HS3ST3A1: variants seen among roughly 807,000 people sequenced by gnomAD.
HS3ST3A1 encodes the protein heparan sulfate-glucosamine 3-sulfotransferase 3A1.
In HS3ST3A1, 19 loss-of-function variants were observed where a neutral mutation model predicts 25.7. The ratio of observed to expected loss-of-function variants is 0.74; its 90% CI spans 0.52 to 1.08. The LOEUF is 1.08. HS3ST3A1 is among the 50% of genes least tolerant of loss of function. The pLI, the probability that HS3ST3A1 is intolerant of heterozygous loss-of-function variation, is 0.00. For synonymous variants in HS3ST3A1, 226 were observed against 278.6 expected (o/e 0.81, Z 1.88); for missense variants, 459 against 594.3 (o/e 0.77, Z 2.37).
At chr17:13,509,518 AAGTT>A (rs1185303366) in intron 1 of HS3ST3A1, among the ~76,000 whole-genome samples, 24 of 152,328 alleles carry the variant, frequency 1.6e-4, no homozygotes, top group African/African-American at 5.1e-4. Flanking sequence ...AAATGTAATT[AAGTT>A]AGTTAGGATC....
chr17:13,567,411 C>G (rs566009655), intron 1 of HS3ST3A1, among the ~76,000 whole-genome samples: 1 of 152,288 alleles, frequency 6.6e-6, no homozygotes, highest in African/African-American at 2.4e-5. Context: ...CTGTAGCCCA[C>G]AGGACAAAGA....
chr17:13,549,392 C>G (rs1163314628), intron 1 of HS3ST3A1, among the ~76,000 whole-genome samples: 2 of 152,208 alleles, frequency 1.3e-5, no homozygotes, highest in Non-Finnish European at 2.9e-5. Flanking sequence ...TCAGCAAGAC[C>G]AAGAACCCAC....
chr17:13,596,341 C>T (rs1443772198), intron 1 of HS3ST3A1, among the ~76,000 whole-genome samples: 1 of 151,496 alleles, frequency 6.6e-6, no homozygotes, highest in Non-Finnish European at 1.5e-5. Flanking sequence ...TACTTGGTAA[C>T]TTTCCTCTCA....
At chr17:13,534,524 T>C (rs1906706903) in intron 1 of HS3ST3A1, among the ~76,000 whole-genome samples, 1 of 107,326 alleles carries the variant, frequency 9.3e-6, no homozygotes, top group Non-Finnish European at 1.7e-5. Flanking sequence ...GGTAACATGG[T>C]GAAACTTCAT....
chr17:13,510,880 G>A (rs1905839088), intron 1 of HS3ST3A1, among the ~76,000 whole-genome samples: 1 of 152,062 alleles, frequency 6.6e-6, no homozygotes, highest in African/African-American at 2.4e-5. Flanking sequence ...TTTTGAACAG[G>A]AGAAAAGGAG....
Position 13,496,204 on chromosome 17 carries a change from T to A in HS3ST3A1, c.1214A>T (p.Asp405Val). 1 of 1,601,658 alleles carries A rather than the reference T, an allele frequency of 6.2e-7. No homozygotes were observed. The highest frequency in any genetic ancestry group is 8.5e-7 in the Non-Finnish European group (1 of 1,173,716). ...TCTTTTTAAATTATATGGTTATCCA[T>A]CCCAGCCAAAGTCGTGCCCGGTCAT... is the stretch of plus-strand genomic sequence containing the variant. ...YQMTGHDFGW[D>V]G is the part of the protein sequence containing the mutation. The change falls in exon 2 of 2, where the codon GAT becomes GTT. Residue 405 changes from aspartate (D) to valine (V), a missense_variant. Physicochemically the swap from Asp to Val is radical, Grantham distance 152. Coordinates refer to ENST00000284110, the MANE Select transcript of HS3ST3A1 (RefSeq NM_006042.3).
At position 13,585,838 on chromosome 17, in the gene HS3ST3A1, G is replaced by C. The variant is rs1908244496; in HGVS notation, c.599+14693C>G. 1.6e-5 allele frequency among the ~76,000 whole-genome samples: 2 copies of C among 128,264 alleles called. 1 individual carries two copies. The highest frequency in any genetic ancestry group is 3.2e-5 in the Non-Finnish European group (2 of 63,426). The allele number at this position is 128,264 out of a possible 152,430, so 84.1% of individuals were successfully genotyped here. A position where few individuals can be genotyped will look rare whatever the true frequency, so the allele number is the denominator to read the frequency against. ...CTTGAGACCTGTTATTCCTCCTTCT[G>C]CGTTTTTTTTTTTTTTTTTTTTTTT... On this transcript the variant is annotated intron_variant, in intron 1 of 1. Transcript: ENST00000284110.
At chr17:13,516,805 G>C (rs1906068496) in intron 1 of HS3ST3A1, among the ~76,000 whole-genome samples, 1 of 152,190 alleles carries the variant, frequency 6.6e-6, no homozygotes, top group Non-Finnish European at 1.5e-5. Context: ...TAGTGCCTCA[G>C]CTTCCCAAGT....
intron 1 of HS3ST3A1, among the ~76,000 whole-genome samples, chr17:13,503,173 C>CAAAAAAAAAAA (rs144678351): frequency 1.8e-4 from 16 of 86,836 alleles, no homozygotes; most frequent in African/African-American, 2.5e-4. Context: ...GACTCCATCT[C>CAAAAAAAAAAA]AAAAAAAAAA....
At chr17:13,569,962 C>A (rs190490322) in intron 1 of HS3ST3A1, among the ~76,000 whole-genome samples, 33 of 152,318 alleles carry the variant, frequency 2.2e-4, no homozygotes, top group Middle Eastern at 3.4e-3. Flanking sequence ...GATGTGTAGG[C>A]TGGAGATTCT....
At position 13,566,842 on chromosome 17, in the gene HS3ST3A1, TA is replaced by T. The variant is rs1445096094; in HGVS notation, c.599+33688del. 1.4e-4 allele frequency among the ~76,000 whole-genome samples: 21 copies of T among 152,150 alleles called. No homozygotes were observed. In the East Asian group the frequency reaches 4.1e-3, roughly 29 times the overall value. On this transcript the variant is annotated intron_variant, in intron 1 of 1. Coordinates refer to ENST00000284110, the MANE Select transcript of HS3ST3A1 (RefSeq NM_006042.3). ...TTAGCAGAGTCTAGTTCATGGGGTT[TA>T]AAAAAAGAAGCCATCTCCATAACAT...
intron 1 of HS3ST3A1, among the ~76,000 whole-genome samples, chr17:13,545,736 G>A (rs996709297): frequency 6.6e-6 from 1 of 152,154 alleles, no homozygotes; most frequent in African/African-American, 2.4e-5. Flanking sequence ...CAGCATTTTC[G>A]GGGGCCGAGG....
At chr17:13,500,733 G>A (rs553852077) in intron 1 of HS3ST3A1, among the ~76,000 whole-genome samples, 2 of 152,196 alleles carry the variant, frequency 1.3e-5, no homozygotes, top group Non-Finnish European at 2.9e-5. Context: ...AAATGTATTT[G>A]TTTTGTCCTG....
At chr17:13,510,766 G>A (rs967357606) in intron 1 of HS3ST3A1, among the ~76,000 whole-genome samples, 2 of 151,374 alleles carry the variant, frequency 1.3e-5, no homozygotes, top group Non-Finnish European at 2.9e-5. Context: ...GTGCAGTGGC[G>A]AGATCTTGGC....
At chr17:13,578,882 A>G (rs1260399127) in intron 1 of HS3ST3A1, among the ~76,000 whole-genome samples, 1 of 152,148 alleles carries the variant, frequency 6.6e-6, no homozygotes, top group East Asian at 1.9e-4. Flanking sequence ...ATAGATGTTG[A>G]TTTTTCATTA....
chr17:13,504,222 C>T (rs1905582122), intron 1 of HS3ST3A1, among the ~76,000 whole-genome samples: 1 of 152,142 alleles, frequency 6.6e-6, no homozygotes, highest in South Asian at 2.1e-4. Context: ...GAGGCTGAGT[C>T]AGGAGAATAA....
chr17:13,524,505 C>G (rs1426761744), intron 1 of HS3ST3A1, among the ~76,000 whole-genome samples: 1 of 152,144 alleles, frequency 6.6e-6, no homozygotes. Context: ...CTCAGCCTCC[C>G]AAAGTGTTGG....
intron 1 of HS3ST3A1, among the ~76,000 whole-genome samples, chr17:13,578,364 A>G (rs59953110): frequency 0.25 from 36,698 of 146,844 alleles, 5,113 homozygotes; most frequent in South Asian, 0.44. Flanking sequence ...CCCGGCCAAC[A>G]CGGTGAAATC....
intron 1 of HS3ST3A1, among the ~76,000 whole-genome samples, chr17:13,559,517 A>G (rs951276722): frequency 1.3e-5 from 2 of 148,848 alleles, no homozygotes; most frequent in African/African-American, 2.4e-5. Flanking sequence ...CATTAATTAC[A>G]TATTAGATAT....
Sources: allele counts gnomAD v4.1 joint callset (sites outside exome capture counted in the v4.1 genomes callset), GRCh38; gene constraint gnomAD v4.1.1; transcripts MANE v1.5; gene names NCBI Gene and HGNC (gene_info 2026-07-23, HGNC 2026-07-21).